AFF3: variants seen among roughly 807,000 people sequenced by gnomAD.
The protein encoded by AFF3 is ALF transcription elongation factor 3.
In AFF3, 32 loss-of-function variants were observed where a neutral mutation model predicts 129.7. The ratio of observed to expected loss-of-function variants is 0.25; its 90% CI spans 0.19 to 0.33. The LOEUF (loss-of-function observed/expected upper bound fraction) is 0.33. Among genes scored for constraint, AFF3 ranks in the 10% least tolerant of loss-of-function variants. AFF3 has a pLI of 1.00. For missense variants in AFF3, 1,373 were observed against 1,592.0 expected (o/e 0.86, Z 2.34); for synonymous variants, 644 against 635.4 (o/e 1.01, Z -0.20).
chr2:99,597,362 A>T (rs536392440), intron 14 of AFF3, among the ~76,000 whole-genome samples: 1 of 152,274 alleles, frequency 6.6e-6, no homozygotes, highest in East Asian at 1.9e-4. Flanking sequence ...GTTATACTCA[A>T]TTGCGTTGTC....
At chr2:99,671,600 T>C (rs972888643) in intron 12 of AFF3, among the ~76,000 whole-genome samples, 1 of 152,212 alleles carries the variant, frequency 6.6e-6, no homozygotes, top group African/African-American at 2.4e-5. Flanking sequence ...GCAAATCATC[T>C]GCATAGCATT....
intron 7 of AFF3, among the ~76,000 whole-genome samples, chr2:99,889,638 C>T (rs1693391796): frequency 6.6e-6 from 1 of 152,088 alleles, no homozygotes; most frequent in African/African-American, 2.4e-5. Flanking sequence ...TAGAAGAGGA[C>T]ACTCAACCCC....
chr2:99,590,234 C>G (rs1172055003), intron 15 of AFF3, among the ~76,000 whole-genome samples: 1 of 152,198 alleles, frequency 6.6e-6, no homozygotes, highest in Non-Finnish European at 1.5e-5. Flanking sequence ...GGGGCAAGGG[C>G]AGCAATAGTC....
chr2:99,578,077 G>T (rs1677162740), intron 18 of AFF3, among the ~76,000 whole-genome samples: 1 of 152,072 alleles, frequency 6.6e-6, no homozygotes, highest in South Asian at 2.1e-4. Flanking sequence ...TTTGTTTTTT[G>T]ATGTCCTGGA....
At chr2:99,872,276 C>T (rs62147617) in intron 7 of AFF3, among the ~76,000 whole-genome samples, 6,126 of 150,568 alleles carry the variant, frequency 0.041, 137 homozygotes, top group African/African-American at 0.057. Flanking sequence ...TAGTGATCAC[C>T]GTAGAAATGC....
At chr2:99,644,686 A>C (rs1022899764) in intron 13 of AFF3, among the ~76,000 whole-genome samples, 1 of 152,248 alleles carries the variant, frequency 6.6e-6, no homozygotes, top group Non-Finnish European at 1.5e-5. Context: ...TTGATAAATC[A>C]CATGAATCCC....
chr2:100,049,182 T>C (rs1686079373), intron 4 of AFF3, among the ~76,000 whole-genome samples: 1 of 152,224 alleles, frequency 6.6e-6, no homozygotes, highest in Non-Finnish European at 1.5e-5. Flanking sequence ...CAGAGAAATC[T>C]GGTGGCCACA....
At chr2:100,022,151 G>A (rs920851928) in intron 4 of AFF3, among the ~76,000 whole-genome samples, 3 of 152,142 alleles carry the variant, frequency 2.0e-5, no homozygotes, top group African/African-American at 7.2e-5. Context: ...ATATAACAAT[G>A]TCAGAAAACC....
rs1682257876 is a variant in AFF3 at position 100,009,025 on chromosome 2, G to A, written c.54-93C>T. 4.0e-6 allele frequency: 6 copies of A among 1,485,282 alleles called. No individual in the cohort carries two copies. In the South Asian group the frequency reaches 5.4e-5, roughly 13 times the overall value. 92.0% of individuals were successfully genotyped at this position (1,485,282 alleles called of 1,614,324 possible). ...TTGTGTGAGTGCAGAAGTCTGGTTCGTGGACAAATGGTGATGACAACAAGA... is the reference window on the plus strand; with the variant it reads ...TTGTGTGAGTGCAGAAGTCTGGTTCATGGACAAATGGTGATGACAACAAGA... On this transcript the variant is annotated intron_variant, in intron 4 of 24. Transcript: ENST00000672756.
At chr2:99,994,446 G>C (rs1016692112) in intron 7 of AFF3, among the ~76,000 whole-genome samples, 4 of 152,142 alleles carry the variant, frequency 2.6e-5, no homozygotes, top group African/African-American at 9.7e-5. Flanking sequence ...TGGGATTTGA[G>C]TTGATTTTTA....
intron 8 of AFF3, among the ~76,000 whole-genome samples, chr2:99,825,349 C>A (rs1687996701): frequency 6.6e-6 from 1 of 152,040 alleles, no homozygotes; most frequent in African/African-American, 2.4e-5. Context: ...AAATTATTTT[C>A]TAAGATCTGT....
chr2:99,757,948 A>G (rs1348735767), intron 8 of AFF3, among the ~76,000 whole-genome samples: 1 of 152,164 alleles, frequency 6.6e-6, no homozygotes, highest in African/African-American at 2.4e-5. Flanking sequence ...TTACTTGTTT[A>G]TACATCAGTG....
chr2:100,072,289 G>A (rs376222984), intron 4 of AFF3, among the ~76,000 whole-genome samples: 1 of 152,164 alleles, frequency 6.6e-6, no homozygotes, highest in African/African-American at 2.4e-5. Context: ...CTGTGCATGC[G>A]AGGAATCTGG....
intron 4 of AFF3, among the ~76,000 whole-genome samples, chr2:100,025,539 GA>G (rs977519493): frequency 5.9e-5 from 9 of 151,960 alleles, no homozygotes; most frequent in East Asian, 1.9e-4. Flanking sequence ...CACAGAATTA[GA>G]AAAAAAATTC....
chr2:99,742,433 G>C (rs1222449371), intron 10 of AFF3, among the ~76,000 whole-genome samples: 1 of 152,110 alleles, frequency 6.6e-6, no homozygotes, highest in Non-Finnish European at 1.5e-5. Flanking sequence ...ATGCCAGAGG[G>C]TTTTATACCA....
chr2:99,931,853 G>A (rs1410778410), intron 7 of AFF3, among the ~76,000 whole-genome samples: 1 of 152,208 alleles, frequency 6.6e-6, no homozygotes, highest in African/African-American at 2.4e-5. Flanking sequence ...AGGTTGCAGT[G>A]AGCCGAAATG....
intron 3 of AFF3, chr2:100,105,145 GCCGCCCGCCCGCGCCCGGCC>G (rs1023399372): frequency 7.4e-5 from 17 of 228,230 alleles, no homozygotes; most frequent in Non-Finnish European, 1.2e-4. Context: ...GCATCCCTCG[GCCGCCCGCCCGCGCCCGGCC>G]CCGCCCGGCC....
intron 7 of AFF3, among the ~76,000 whole-genome samples, chr2:99,869,204 CAAGA>C (rs1368115140): frequency 6.6e-6 from 1 of 152,124 alleles, no homozygotes; most frequent in Non-Finnish European, 1.5e-5. Context: ...AATCTGACAC[CAAGA>C]AAAGCGGGTC....
At chr2:99,658,012 C>T (rs551816562) in intron 12 of AFF3, among the ~76,000 whole-genome samples, 20 of 152,326 alleles carry the variant, frequency 1.3e-4, no homozygotes, top group Non-Finnish European at 2.4e-4. Flanking sequence ...GATAAACCCA[C>T]GTGTGACATC....
Sources: gnomAD v4.1 joint callset for allele counts (sites outside exome capture counted in the v4.1 genomes callset) on GRCh38, gnomAD v4.1.1 for gene constraint, MANE v1.5 for transcripts, NCBI Gene and HGNC (gene_info 2026-07-23, HGNC 2026-07-21) for gene names.